GTF3C1: variants seen among roughly 807,000 people sequenced by gnomAD.
GTF3C1 encodes general transcription factor IIIC subunit 1.
Under a neutral mutation model 226.7 loss-of-function variants are expected in GTF3C1, and 57 were observed. The ratio of observed to expected loss-of-function variants is 0.25; its 90% CI spans 0.20 to 0.31. The LOEUF (loss-of-function observed/expected upper bound fraction) is 0.31, where lower values mean the gene tolerates loss of function less well. Among genes scored for constraint, GTF3C1 ranks in the 10% least tolerant of loss-of-function variants. GTF3C1 has a pLI of 1.00. For synonymous variants in GTF3C1, 1,090 were observed against 1,084.8 expected (o/e 1.00, Z -0.09); for missense variants, 2,217 against 2,776.1 (o/e 0.80, Z 4.53).
At chr16:27,494,108 A>G (rs938159419) in intron 16 of GTF3C1, among the ~76,000 whole-genome samples, 1 of 152,180 alleles carries the variant, frequency 6.6e-6, no homozygotes, top group African/African-American at 2.4e-5. Context: ...ATTTCTAAAA[A>G]CAACATGTTT....
chr16:27,493,387 ATAG>A, intron 16 of GTF3C1, 91 bp from the exon 17 acceptor site: 1 of 737,512 alleles, frequency 1.4e-6, no homozygotes, highest in East Asian at 2.6e-5. Flanking sequence ...TTTTCTGACC[ATAG>A]TCTCCCTGAA....
In GTF3C1 at chr16:27,480,175, C is replaced by T. The variant is rs537060674; in HGVS notation, c.4196+904G>A. On this transcript the variant is annotated intron_variant, in intron 27 of 36. Coordinates refer to ENST00000356183, the MANE Select transcript of GTF3C1 (RefSeq NM_001520.4). Reference sequence around the variant, plus strand: ...GAGAGTGTGCCACTGCACTCCAGCCCGGGGGGCCGGGGTGAGACTCCATCT... The same window carrying T: ...GAGAGTGTGCCACTGCACTCCAGCCTGGGGGGCCGGGGTGAGACTCCATCT... Among the ~76,000 whole-genome samples the T allele has an allele frequency of 2.0e-4, 25 of 127,176 alleles. No homozygotes were observed. In the South Asian group the frequency reaches 4.4e-3, roughly 22 times the overall value. 83.4% of individuals were successfully genotyped at this position (127,176 alleles called of 152,430 possible).
Position 27,469,420 on chromosome 16 carries a change from T to A in GTF3C1, c.4945A>T (p.Arg1649Trp). 6.2e-7 allele frequency: 1 copy of A among 1,614,126 alleles called. No individual in the cohort carries two copies. The highest frequency in any genetic ancestry group is 8.5e-7 in the Non-Finnish European group (1 of 1,180,002). Residue 1649 changes from arginine to tryptophan, a missense_variant, in exon 32 of 37, where the codon AGG becomes TGG. Arg to Trp is a moderately radical substitution (Grantham distance 101). Coordinates refer to ENST00000356183, the MANE Select transcript of GTF3C1 (RefSeq NM_001520.4). The surrounding 1 kb of genome is among the most constrained non-coding windows in gnomAD (Gnocchi z 4.5). The part of the protein sequence containing the change: ...QASHTNYLLM[R>W]GYYSPGIVST... ...ACGATGCCGGGGGAGTAGTAGCCCC[T>A]CATCAGCAGGTAGTTGGTGTGGGAG...
Position 27,537,776 on chromosome 16 carries a change from A to C in GTF3C1, c.752+8T>G. 6.2e-7 allele frequency: 1 copy of C among 1,606,184 alleles called. No individual in the cohort carries two copies. Among genetic ancestry groups the C allele is most frequent in the Non-Finnish European group, 8.5e-7 (1 of 1,174,360 alleles). On this transcript the variant is annotated splice_region_variant and intron_variant, in intron 4 of 36. Transcript: ENST00000356183. ...AAAACCTAATGTTTTGGTCACTACA[A>C]ACCATACCTGTCCACATGAAACCGG...
intron 6 of GTF3C1, among the ~76,000 whole-genome samples, chr16:27,521,163 T>C (rs578145486): frequency 6.6e-6 from 1 of 152,292 alleles, no homozygotes; most frequent in Non-Finnish European, 1.5e-5. Flanking sequence ...AAACATCCAG[T>C]CCCTGCACTG....
intron 4 of GTF3C1, among the ~76,000 whole-genome samples, chr16:27,537,468 A>T (rs1327392644): frequency 6.6e-6 from 1 of 152,176 alleles, no homozygotes; most frequent in Non-Finnish European, 1.5e-5. Context: ...GGAGTATAGC[A>T]GTGCAGTCAT....
At chr16:27,503,423 CAGA>C (rs1381426913) in intron 10 of GTF3C1, among the ~76,000 whole-genome samples, 3 of 152,182 alleles carry the variant, frequency 2.0e-5, no homozygotes, top group Non-Finnish European at 2.9e-5. Flanking sequence ...TCCCATTTTA[CAGA>C]AGAAGAAACC....
rs751001523 is a variant in GTF3C1 at position 27,463,519 on chromosome 16, G to A, written c.5924+22C>T. On this transcript the variant is annotated intron_variant, in intron 35 of 36. Transcript: ENST00000356183. The surrounding 1 kb of genome is among the most constrained non-coding windows in gnomAD (Gnocchi z 4.9). Reference sequence around the variant, plus strand: ...TGTCAAGAGCCCCGCCCCAGGCCCCGGAGCCAGAACCCCACACCCACCTTT... The same window carrying A: ...TGTCAAGAGCCCCGCCCCAGGCCCCAGAGCCAGAACCCCACACCCACCTTT... The A allele has an allele frequency of 5.5e-5, 82 of 1,486,908 alleles. No individual in the cohort carries two copies. Among genetic ancestry groups the A allele is most frequent in the Middle Eastern group, 1.7e-4 (1 of 5,844 alleles). 92.1% of individuals were successfully genotyped at this position (1,486,908 alleles called of 1,614,324 possible).
At chr16:27,547,767 G>A (rs1192747611) in intron 1 of GTF3C1, among the ~76,000 whole-genome samples, 1 of 152,088 alleles carries the variant, frequency 6.6e-6, no homozygotes, top group African/African-American at 2.4e-5. Flanking sequence ...TGGGATTTCA[G>A]GCGTCTACCA....
intron 4 of GTF3C1, among the ~76,000 whole-genome samples, chr16:27,536,671 C>T (rs2089006443): frequency 2.0e-5 from 3 of 152,150 alleles, no homozygotes; most frequent in Admixed American, 6.5e-5. Context: ...GTAATCATTC[C>T]CCCCACTTTT....
At chr16:27,541,183 G>C (rs1256626851) in intron 2 of GTF3C1, among the ~76,000 whole-genome samples, 1 of 152,212 alleles carries the variant, frequency 6.6e-6, no homozygotes, top group Non-Finnish European at 1.5e-5. Flanking sequence ...GTGAATGAGA[G>C]AATTAAGGGG....
At chr16:27,486,585 GC>G (rs1357740941) in intron 23 of GTF3C1, among the ~76,000 whole-genome samples, 2 of 152,186 alleles carry the variant, frequency 1.3e-5, no homozygotes, top group African/African-American at 4.8e-5. Context: ...GACCACACGG[GC>G]GTTGTGTAGA....
intron 6 of GTF3C1, among the ~76,000 whole-genome samples, chr16:27,521,317 A>G (rs928938741): frequency 1.3e-4 from 20 of 152,256 alleles, no homozygotes; most frequent in Non-Finnish European, 2.9e-4. Context: ...GCTACACCTT[A>G]GAGAGGTCTT....
intron 24 of GTF3C1, among the ~76,000 whole-genome samples, chr16:27,485,686 T>G (rs775057169): frequency 1.6e-4 from 24 of 152,284 alleles, no homozygotes; most frequent in Non-Finnish European, 2.8e-4. Context: ...GGTATTAATT[T>G]GTAGGATTAG....
chr16:27,466,283 C>T (rs2087785813), intron 32 of GTF3C1: 1 of 152,222 alleles, frequency 6.6e-6, no homozygotes. Context: ...GTCTGTCACG[C>T]TTGGGAATTC....
At position 27,492,407 on chromosome 16, in the gene GTF3C1, G is replaced by A. The variant is rs2088246227; in HGVS notation, c.3082C>T (p.Leu1028=). ...TTTTCCACATCCTGCATTGAGTTCAGGACATAGAGGCGCCTCTCGAAGGGC... is the reference window on the plus strand; with the variant it reads ...TTTTCCACATCCTGCATTGAGTTCAAGACATAGAGGCGCCTCTCGAAGGGC... ...SRPFERRLYV[L]NSMQDVENYW... Residue 1028 remains leucine, a synonymous_variant, in exon 19 of 37, where the codon CTG becomes TTG. Coordinates refer to ENST00000356183, the MANE Select transcript of GTF3C1 (RefSeq NM_001520.4). The surrounding 1 kb of genome is among the most constrained non-coding windows in gnomAD (Gnocchi z 5.0). 2 of 1,610,942 alleles carry A rather than the reference G, an allele frequency of 1.2e-6. No homozygotes were observed.
chr16:27,515,334 A>C (rs1453438528), intron 6 of GTF3C1, among the ~76,000 whole-genome samples: 1 of 152,078 alleles, frequency 6.6e-6, no homozygotes, highest in East Asian at 1.9e-4. Context: ...CTGTAGTCCC[A>C]GCTACTCGGA....
In GTF3C1 at chr16:27,502,905, T is replaced by C. The variant is rs767937770; in HGVS notation, c.1861A>G (p.Ile621Val). Reference sequence around the variant, plus strand: ...CGAAGATTGGTGACAGCTTCTATGATCAGATTCCTGCGTTTCAGCAGTCGG... The same window carrying C: ...CGAAGATTGGTGACAGCTTCTATGACCAGATTCCTGCGTTTCAGCAGTCGG... The part of the protein sequence containing the change: ...TYRLLKRRNL[I>V]IEAVTNLRLI... The change falls in exon 11 of 37, where the codon ATC (isoleucine) becomes GTC (valine). Residue 621 changes from isoleucine to valine, a missense_variant. By Grantham distance (29) the Ile-to-Val change is conservative. Coordinates refer to ENST00000356183, the MANE Select transcript of GTF3C1 (RefSeq NM_001520.4). The C allele has an allele frequency of 6.2e-7, 1 of 1,611,236 alleles. No homozygotes were observed. The highest frequency in any genetic ancestry group is 1.3e-5 in the African/African-American group (1 of 74,906).
chr16:27,548,061 T>C (rs1223659550), intron 1 of GTF3C1, among the ~76,000 whole-genome samples: 1 of 152,084 alleles, frequency 6.6e-6, no homozygotes, highest in Non-Finnish European at 1.5e-5. Flanking sequence ...TTCAGGAAAA[T>C]GGGGAGAATA....
Sources: gnomAD v4.1 joint callset for allele counts (sites outside exome capture counted in the v4.1 genomes callset) on GRCh38, gnomAD v4.1.1 for gene constraint, Gnocchi (gnomAD v3.1) non-coding constraint, MANE v1.5 for transcripts, NCBI Gene and HGNC (gene_info 2026-07-23, HGNC 2026-07-21) for gene names.